The following FOXJ2 variants were observed in gnomAD, a reference collection of about 807,000 sequenced individuals.
FOXJ2 encodes forkhead box J2.
In FOXJ2, 18 loss-of-function variants were observed where a neutral mutation model predicts 68.4. The ratio of observed to expected loss-of-function variants is 0.26; its 90% CI spans 0.18 to 0.39. The LOEUF is 0.39. Ranked by LOEUF, FOXJ2 falls within the 10% of genes least tolerant of loss-of-function variation. The pLI is 1.00. For missense variants in FOXJ2, 670 were observed against 726.5 expected, an observed-to-expected ratio of 0.92 and a Z score of 0.89; for synonymous variants, 274 against 263.2, an observed-to-expected ratio of 1.04 and a Z score of -0.40.
At chr12:8,045,221 T>A (rs1004653317) in intron 6 of FOXJ2, among the ~76,000 whole-genome samples, 5 of 77,518 alleles carry the variant, frequency 6.5e-5, no homozygotes, top group East Asian at 2.5e-4. Flanking sequence ...TTTTTGTATT[T>A]TTTTTTTTTT....
At chr12:8,048,655 C>A in intron 7 of FOXJ2, 42 bp from the exon 8 acceptor site, 2 of 1,555,158 alleles carry the variant, frequency 1.3e-6, no homozygotes, top group Non-Finnish European at 1.8e-6. Flanking sequence ...CTGTCTTACA[C>A]TTCACTCTAT....
At chr12:8,052,120 G>A (rs1267021692) in intron 10 of FOXJ2, among the ~76,000 whole-genome samples, 2 of 151,994 alleles carry the variant, frequency 1.3e-5, no homozygotes, top group South Asian at 2.1e-4. Flanking sequence ...CACCCATCTC[G>A]GCCTCTCAAA....
At chr12:8,039,113 G>A (rs1946933492) in intron 1 of FOXJ2, among the ~76,000 whole-genome samples, 1 of 152,280 alleles carries the variant, frequency 6.6e-6, no homozygotes, top group Middle Eastern at 3.4e-3. Context: ...TTGCTTCTGT[G>A]TGTGACTTTG....
In FOXJ2 at chr12:8,039,828, G is replaced by A. The variant is rs1345703666; in HGVS notation, c.-5G>A. On this transcript the variant is annotated 5_prime_UTR_variant, in exon 2 of 11. Transcript: ENST00000162391. ...TTTGTCTTCTCTGCAGAACCCAGAAGTACCATGGCTTCTGACCTAGAGAGT... is the reference window on the plus strand; with the variant it reads ...TTTGTCTTCTCTGCAGAACCCAGAAATACCATGGCTTCTGACCTAGAGAGT... 2.5e-6 allele frequency: 4 copies of A among 1,608,878 alleles called. No homozygotes were observed. The African/African-American group carries it at 5.4e-5, about 22-fold the overall frequency.
Position 8,032,926 on chromosome 12 carries a change from G to A in FOXJ2, c.-922G>A. On this transcript the variant is annotated 5_prime_UTR_variant, in exon 1 of 11. Coordinates refer to ENST00000162391, the MANE Select transcript of FOXJ2 (RefSeq NM_018416.3). This position sits in a 1 kb window ranked among gnomAD's most constrained non-coding sequence, Gnocchi z 4.8. Reference sequence around the variant, plus strand: ...CCGGAGTCTCGAGCCGCGGCCTCCCGGACCGTGCTGCCCAGGCCAGCTCAG... The same window carrying A: ...CCGGAGTCTCGAGCCGCGGCCTCCCAGACCGTGCTGCCCAGGCCAGCTCAG... 1 of 397,760 alleles carries A rather than the reference G, an allele frequency of 2.5e-6. No individual in the cohort carries two copies. Among genetic ancestry groups the A allele is most frequent in the Non-Finnish European group, 4.4e-6 (1 of 225,610 alleles). The allele number at this position is 397,760 out of a possible 1,614,324, so 24.6% of individuals were successfully genotyped here. A position where few individuals can be genotyped will look rare whatever the true frequency, so the allele number is the denominator to read the frequency against.
intron 3 of FOXJ2, among the ~76,000 whole-genome samples, chr12:8,043,357 T>C (rs17728555): frequency 0.28 from 43,233 of 152,008 alleles, 7,396 homozygotes; most frequent in Non-Finnish European, 0.38. Context: ...CTTAATAACC[T>C]TTGTACAAAC....
chr12:8,050,282 TTC>T, intron 9 of FOXJ2: 1 of 1,228,544 alleles, frequency 8.1e-7, no homozygotes, highest in Non-Finnish European at 1.0e-6. Flanking sequence ...GGCCCTGTGT[TTC>T]TATATTTTTC....
At chr12:8,039,282 C>T (rs1318392245) in intron 1 of FOXJ2, among the ~76,000 whole-genome samples, 4 of 151,730 alleles carry the variant, frequency 2.6e-5, no homozygotes, top group African/African-American at 4.8e-5. Context: ...AGGGCAAGTG[C>T]TCGTAATGCA....
rs774399358 is a variant in FOXJ2, at chr12:8,033,792, C to G, written c.-56C>G. On this transcript the variant is annotated 5_prime_UTR_variant, in exon 1 of 11. Coordinates refer to ENST00000162391, the MANE Select transcript of FOXJ2 (RefSeq NM_018416.3). The stretch of plus-strand genomic sequence containing the variant: ...ATCCCTCCAACCCCAAACTCCAGTA[C>G]CAGGTGGTTCCCTCCCTTTGCCGGA... 6.5e-6 allele frequency: 1 copy of G among 152,740 alleles called. No homozygotes were observed. The highest frequency in any genetic ancestry group is 1.5e-5 in the Non-Finnish European group (1 of 68,114). 9.5% of individuals were successfully genotyped at this position (152,740 alleles called of 1,614,324 possible). A position where few individuals can be genotyped will look rare whatever the true frequency, so the allele number is the denominator to read the frequency against.
intron 9 of FOXJ2, chr12:8,050,204 G>A (rs1947097336): frequency 2.3e-6 from 1 of 427,618 alleles, no homozygotes; most frequent in Admixed American, 5.5e-5. Flanking sequence ...TCAAACTCTT[G>A]GACTCAAGGG....
chr12:8,044,827 C>T lies in FOXJ2; in HGVS notation c.686C>T (p.Pro229Leu), dbSNP rs879211194. Reference protein sequence around the residue: ...GASGRESAEGPPPLYNTNHDF... With the variant: ...GASGRESAEGLPPLYNTNHDF... ...TCAGGCCGAGAAAGTGCTGAGGGTC[C>T]CCCTCCCCTCTATAACACCAACCAT... Residue 229 changes from proline to leucine, a missense_variant, in exon 6 of 11, where the codon CCC (proline) becomes CTC (leucine). Physicochemically the swap from Pro to Leu is moderately conservative, Grantham distance 98. Transcript: ENST00000162391. 1 of 1,612,992 alleles carries T rather than the reference C, an allele frequency of 6.2e-7. No homozygotes were observed. Among genetic ancestry groups the T allele is most frequent in the Admixed American group, 1.7e-5 (1 of 60,018 alleles).
intron 6 of FOXJ2, 150 bp downstream of exon 6, chr12:8,045,108 A>G (rs1483021768): frequency 2.6e-6 from 2 of 755,278 alleles, no homozygotes; most frequent in Admixed American, 5.8e-5. Flanking sequence ...CAGTGGCACG[A>G]TCTGAGCTCA....
In FOXJ2 at chr12:8,052,908, A is replaced by G; in HGVS notation, c.*58A>G. 7.3e-7 allele frequency: 1 copy of G among 1,365,360 alleles called. No homozygotes were observed. The allele number at this position is 1,365,360 out of a possible 1,614,324, so 84.6% of individuals were successfully genotyped here. On this transcript the variant is annotated 3_prime_UTR_variant, in exon 11 of 11. Transcript: ENST00000162391. The stretch of plus-strand genomic sequence containing the variant: ...CGCGTGGTGAAATCTGGCAGTGGGG[A>G]AAGAGCAACCCCAGCCCGTCCCTTC...
At position 8,040,347 on chromosome 12, in the gene FOXJ2, G is replaced by A. The variant is rs1054692247; in HGVS notation, c.333+182G>A. ...TTCAGAGTTGAACAACTTTTATAAG[G>A]TATATTAGGGAAACTCCAAGCCATT... On this transcript the variant is annotated intron_variant, in intron 2 of 10. Coordinates refer to ENST00000162391, the MANE Select transcript of FOXJ2 (RefSeq NM_018416.3). The surrounding 1 kb of genome is among the most constrained non-coding windows in gnomAD (Gnocchi z 4.0). Among the ~76,000 whole-genome samples, 2 of 151,584 alleles carry A rather than the reference G, an allele frequency of 1.3e-5. No individual in the cohort carries two copies. The highest frequency in any genetic ancestry group is 1.9e-4 in the East Asian group (1 of 5,174).
Position 8,049,513 on chromosome 12 carries a change from C to G in FOXJ2, c.1479C>G (p.Ala493=). ...GTACCCACCGCCCACCAGCCCCTGCCCGTATTGCTGACTCCTGTGCCCTCA... is the reference window on the plus strand; with the variant it reads ...GTACCCACCGCCCACCAGCCCCTGCGCGTATTGCTGACTCCTGTGCCCTCA... ...QGGTHRPPAP[A]RIADSCALTS... The change falls in exon 9 of 11, where the codon GCC becomes GCG. Residue 493 remains alanine (A), a synonymous_variant. Transcript: ENST00000162391. The G allele has an allele frequency of 6.2e-7, 1 of 1,613,932 alleles. No individual in the cohort carries two copies. Among genetic ancestry groups the G allele is most frequent in the Non-Finnish European group, 8.5e-7 (1 of 1,179,908 alleles).
chr12:8,048,726 G>A lies in FOXJ2; in HGVS notation c.1255G>A (p.Asp419Asn). 5 of 1,613,956 alleles carry A rather than the reference G, an allele frequency of 3.1e-6. No homozygotes were observed. Among genetic ancestry groups the A allele is most frequent in the Non-Finnish European group, 4.2e-6 (5 of 1,179,996 alleles). The change falls in exon 8 of 11, where the codon GAC (aspartate) becomes AAC (asparagine). Residue 419 changes from aspartate to asparagine, a missense_variant. By Grantham distance (23) the Asp-to-Asn change is conservative (BLOSUM62 1). Around this residue, in one of 2 missense-constraint regions of FOXJ2, gnomAD observed 555 missense variants for 562.2 expected, o/e 0.99. Coordinates refer to ENST00000162391, the MANE Select transcript of FOXJ2 (RefSeq NM_018416.3). ...TCCTTCTGACTGGTGCTCTAATATT[G>A]ACTCTTTAAAGGAAAGCTTCAAGAT... ...AFPSDWCSNI[D>N]SLKESFKMVN...
At chr12:8,046,025 CTGTT>C (rs908079249) in intron 6 of FOXJ2, among the ~76,000 whole-genome samples, 1 of 152,154 alleles carries the variant, frequency 6.6e-6, no homozygotes, top group African/African-American at 2.4e-5. Flanking sequence ...TGAACTAAAA[CTGTT>C]TGGAGTCAAG....
Position 8,039,902 on chromosome 12 carries a change from A to G in FOXJ2, c.70A>G (p.Ile24Val). The G allele has an allele frequency of 1.2e-6, 2 of 1,614,050 alleles. No individual in the cohort carries two copies. Among genetic ancestry groups the G allele is most frequent in the Non-Finnish European group, 1.7e-6 (2 of 1,179,934 alleles). The change falls in exon 2 of 11, where the codon ATT becomes GTT. Residue 24 changes from isoleucine to valine, a missense_variant. Physicochemically the swap from Ile to Val is conservative, Grantham distance 29. This residue lies in a region of FOXJ2 where 115 missense variants were observed against 164.3 expected (regional missense o/e 0.70). Coordinates refer to ENST00000162391, the MANE Select transcript of FOXJ2 (RefSeq NM_018416.3). ...CCCCCAGCTGACCCTCCGAGCTACC[A>G]TTGAGAAGCTTGGAAGTGCCTCCCA... The part of the protein sequence containing the change: ...WLPQLTLRAT[I>V]EKLGSASQAG...
chr12:8,045,937 G>A (rs991967106), intron 6 of FOXJ2, among the ~76,000 whole-genome samples: 2 of 152,214 alleles, frequency 1.3e-5, no homozygotes, highest in African/African-American at 4.8e-5. Context: ...GGGATTACAG[G>A]CGTGAGCCAC....
Sources: gnomAD v4.1 joint callset for allele counts (sites outside exome capture counted in the v4.1 genomes callset) on GRCh38, gnomAD v4.1.1 for gene constraint, gnomAD v4.1.1 regional missense constraint, Gnocchi (gnomAD v3.1) non-coding constraint, MANE v1.5 for transcripts, NCBI Gene and HGNC (gene_info 2026-07-23, HGNC 2026-07-21) for gene names.